The following DNM3 variants were observed in gnomAD, a reference collection of about 807,000 sequenced individuals.
DNM3 encodes the protein dynamin-3.
DNM3 carries 47 observed loss-of-function variants against 101.6 expected under a neutral mutation model. That is an observed-to-expected ratio of 0.46 (90% CI 0.37 to 0.59). The LOEUF is 0.59. Among genes scored for constraint, DNM3 ranks in the 20% least tolerant of loss-of-function variants. The probability of loss-of-function intolerance (pLI) is 0.00; values close to 1 mark genes in which losing one functional copy is unlikely to be tolerated. For missense variants in DNM3, 849 were observed against 1,085.7 expected, an observed-to-expected ratio of 0.78 and a Z score of 3.06; for synonymous variants, 385 against 387.9, an observed-to-expected ratio of 0.99 and a Z score of 0.09.
intron 1 of DNM3, among the ~76,000 whole-genome samples, chr1:171,909,673 A>G (rs970772380): frequency 1.3e-5 from 2 of 152,092 alleles, no homozygotes; most frequent in African/African-American, 4.8e-5. Flanking sequence ...CCATGTTGTC[A>G]TATATTTTTG....
At chr1:172,308,395 G>A (rs771613722) in intron 15 of DNM3, among the ~76,000 whole-genome samples, 10 of 152,058 alleles carry the variant, frequency 6.6e-5, no homozygotes, top group South Asian at 2.1e-4. Context: ...TTGATCTAGC[G>A]GCTGAGCAAT....
intron 2 of DNM3, among the ~76,000 whole-genome samples, chr1:171,943,672 A>G (rs1214744554): frequency 6.6e-6 from 1 of 152,178 alleles, no homozygotes; most frequent in Non-Finnish European, 1.5e-5. Context: ...AAACCAATCT[A>G]TATCTGATAT....
chr1:172,218,295 A>C (rs1189739344), intron 14 of DNM3, among the ~76,000 whole-genome samples: 1 of 152,154 alleles, frequency 6.6e-6, no homozygotes, highest in Admixed American at 6.6e-5. Context: ...AGATTAATAG[A>C]AACTAAATAA....
At position 172,340,222 on chromosome 1, in the gene DNM3, T is replaced by A. The variant is rs111291723; in HGVS notation, c.1893+16882T>A. Among the ~76,000 whole-genome samples, 328 of 152,246 alleles carry A rather than the reference T, an allele frequency of 2.2e-3. 1 individual carries two copies. The highest frequency in any genetic ancestry group is 7.5e-3 in the African/African-American group (313 of 41,548). ...AAATGAAAACTGTGCCCCTTCCCAA[T>A]CTTTTGGGTTAGATTCCTTCTGGGA... On this transcript the variant is annotated intron_variant, in intron 17 of 20. Coordinates refer to ENST00000627582, the MANE Select transcript of DNM3 (RefSeq NM_015569.5).
intron 15 of DNM3, chr1:172,290,043 T>G: frequency 2.2e-6 from 2 of 919,664 alleles, no homozygotes; most frequent in Non-Finnish European, 2.6e-6. Context: ...TGTCATTAAT[T>G]TATTGTCAAT....
At chr1:172,200,685 G>A (rs1014181939) in intron 14 of DNM3, among the ~76,000 whole-genome samples, 5 of 151,952 alleles carry the variant, frequency 3.3e-5, no homozygotes, top group Non-Finnish European at 7.4e-5. Context: ...TTCTCAGCTT[G>A]GTTTATTCTG....
intron 2 of DNM3, among the ~76,000 whole-genome samples, chr1:171,930,884 T>C (rs2040952131): frequency 6.6e-6 from 1 of 152,224 alleles, no homozygotes; most frequent in African/African-American, 2.4e-5. Context: ...TTTCTATACA[T>C]TTGTGATGAA....
intron 17 of DNM3, among the ~76,000 whole-genome samples, chr1:172,349,074 A>G (rs1186162248): frequency 6.6e-6 from 1 of 152,176 alleles, no homozygotes; most frequent in Non-Finnish European, 1.5e-5. Context: ...TATTGCCCTC[A>G]GAGACATGTC....
intron 17 of DNM3, among the ~76,000 whole-genome samples, chr1:172,327,238 G>C (rs1347995488): frequency 6.6e-6 from 1 of 152,136 alleles, no homozygotes; most frequent in Non-Finnish European, 1.5e-5. Context: ...AGTGGACAAG[G>C]TCAGCCTTCA....
chr1:171,841,811 T>A lies in DNM3; in HGVS notation c.155T>A (p.Val52Glu). The A allele has an allele frequency of 6.2e-7, 1 of 1,608,302 alleles. No homozygotes were observed. The highest frequency in any genetic ancestry group is 8.5e-7 in the Non-Finnish European group (1 of 1,178,792). Residue 52 changes from valine (V) to glutamate (E), a missense_variant, in exon 1 of 21, where the codon GTG (valine) becomes GAG (glutamate). Transcript: ENST00000627582. ...AAGAGCTCGGTGCTCGAGAACTTCG[T>A]GGGCAGGTAAGCGCGCAGGGCGCGG... ...AGKSSVLENF[V>E]GRDFLPRGSG... is the part of the protein sequence containing the mutation.
intron 14 of DNM3, among the ~76,000 whole-genome samples, chr1:172,230,515 C>A (rs185617185): frequency 5.3e-5 from 8 of 151,916 alleles, no homozygotes; most frequent in Admixed American, 5.2e-4. Context: ...TACTTCATGC[C>A]CAATATAGGA....
chr1:171,993,274 G>T (rs540387754), intron 4 of DNM3, among the ~76,000 whole-genome samples: 2 of 151,772 alleles, frequency 1.3e-5, no homozygotes, highest in Admixed American at 1.3e-4. Context: ...ATTTCTTGTA[G>T]GCTATGTCTG....
chr1:172,227,271 G>GATATATATATATATATATATATAT lies in DNM3; in HGVS notation c.1660-26291_1660-26268dup, dbSNP rs140087796. Among the ~76,000 whole-genome samples, 50 of 77,996 alleles carry GATATATATATATATATATATATAT rather than the reference G, an allele frequency of 6.4e-4. 1 individual carries two copies. Among genetic ancestry groups the GATATATATATATATATATATATAT allele is most frequent in the African/African-American group, 9.4e-4 (20 of 21,186 alleles). The allele number at this position is 77,996 out of a possible 152,430, so 51.2% of individuals were successfully genotyped here. On this transcript the variant is annotated intron_variant, in intron 14 of 20. Coordinates refer to ENST00000627582, the MANE Select transcript of DNM3 (RefSeq NM_015569.5). ...TTTTAATGGCTGGATAGTATTTTGT[G>GATATATATATATATATATATATAT]ATATATATATATATATATATATATA...
At chr1:172,295,524 T>C (rs2064123871) in intron 15 of DNM3, among the ~76,000 whole-genome samples, 1 of 152,144 alleles carries the variant, frequency 6.6e-6, no homozygotes, top group African/African-American at 2.4e-5. Context: ...ATTTTTGTAT[T>C]CCTGAATTGT....
intron 2 of DNM3, among the ~76,000 whole-genome samples, chr1:171,941,940 G>A (rs1461628264): frequency 6.6e-6 from 1 of 151,962 alleles, no homozygotes; most frequent in Non-Finnish European, 1.5e-5. Flanking sequence ...TGCACAAGGG[G>A]GTTTGTGATT....
intron 14 of DNM3, among the ~76,000 whole-genome samples, chr1:172,208,714 C>G (rs1013900937): frequency 6.6e-6 from 1 of 152,086 alleles, no homozygotes; most frequent in Non-Finnish European, 1.5e-5. Context: ...TTTGGTCTTA[C>G]GTTAGCCCAA....
chr1:172,193,381 C>A (rs2059814390), intron 14 of DNM3, among the ~76,000 whole-genome samples: 1 of 152,028 alleles, frequency 6.6e-6, no homozygotes. Flanking sequence ...TCATAAAATG[C>A]ATTAGGGAGG....
chr1:172,155,293 C>CA (rs35898752), intron 14 of DNM3, among the ~76,000 whole-genome samples: 193 of 129,528 alleles, frequency 1.5e-3, no homozygotes, highest in Non-Finnish European at 1.8e-3. Flanking sequence ...TTGTGCTTTG[C>CA]AAAAAAAAAA....
At chr1:172,272,752 AC>A (rs1320130789) in intron 15 of DNM3, among the ~76,000 whole-genome samples, 5 of 152,148 alleles carry the variant, frequency 3.3e-5, no homozygotes, top group Non-Finnish European at 7.4e-5. Context: ...ATTTAATTAG[AC>A]AAATTAACTC....
Sources: allele counts gnomAD v4.1 joint callset (sites outside exome capture counted in the v4.1 genomes callset), GRCh38; gene constraint gnomAD v4.1.1; transcripts MANE v1.5; gene names NCBI Gene and HGNC (gene_info 2026-07-23, HGNC 2026-07-21).